The following INKA2 variants were observed in gnomAD, a reference collection of about 807,000 sequenced individuals.
INKA2 encodes the protein PAK4-inhibitor INKA2.
A neutral mutation model predicts 9.8 loss-of-function variants in INKA2; 3 were observed. The observed-to-expected ratio is 0.31, with a 90% CI of 0.14 to 0.79. The LOEUF (loss-of-function observed/expected upper bound fraction) is 0.79, where lower values mean the gene tolerates loss of function less well. Among genes scored for constraint, INKA2 ranks in the 30% least tolerant of loss-of-function variants. The pLI is 0.62. For missense variants in INKA2, 392 were observed against 384.4 expected (o/e 1.02, Z -0.17); for synonymous variants, 147 against 143.3 (o/e 1.03, Z -0.18).
chr1:111,745,908 G>A (rs1663265045), intron 1 of INKA2: 1 of 152,226 alleles, frequency 6.6e-6, no homozygotes, highest in Non-Finnish European at 1.5e-5. Context: ...GCTTGCCAGG[G>A]AGAGACATAT....
rs1313049054 is a variant in INKA2 at position 111,722,251 on chromosome 1, T to C, written c.*4717A>G. The C allele has an allele frequency of 6.6e-6, 1 of 152,210 alleles. No individual in the cohort carries two copies. The highest frequency in any genetic ancestry group is 1.9e-4 in the East Asian group (1 of 5,190). 9.4% of individuals were successfully genotyped at this position (152,210 alleles called of 1,614,324 possible). ...CCCGAGACCTCTCCTGAAGGTGGGC[T>C]TCACAGATTCCTCCACCCCATCAGG... is the stretch of plus-strand genomic sequence containing the variant. On this transcript the variant is annotated 3_prime_UTR_variant, in exon 2 of 2. Coordinates refer to ENST00000357260, the MANE Select transcript of INKA2 (RefSeq NM_019099.5).
At position 111,726,759 on chromosome 1, in the gene INKA2, C is replaced by G. The variant is rs939493797; in HGVS notation, c.*209G>C. ...CAGCTCACTCTCCAGCTACTCTTAC[C>G]TCCTCCACCAGCTAGCCCCCAAGAC... On this transcript the variant is annotated 3_prime_UTR_variant, in exon 2 of 2. Transcript: ENST00000357260. 1.1e-5 allele frequency: 7 copies of G among 610,384 alleles called. No individual in the cohort carries two copies. The highest frequency in any genetic ancestry group is 4.5e-4 in the Middle Eastern group (1 of 2,240). 37.8% of individuals were successfully genotyped at this position (610,384 alleles called of 1,614,324 possible). A position where few individuals can be genotyped will look rare whatever the true frequency, so the allele number is the denominator to read the frequency against.
intron 1 of INKA2, among the ~76,000 whole-genome samples, chr1:111,731,875 G>A (rs1028808130): frequency 6.6e-6 from 1 of 152,216 alleles, no homozygotes; most frequent in Non-Finnish European, 1.5e-5. Context: ...GTCTAATCAA[G>A]GAGAAGCACA....
At chr1:111,737,831 C>T (rs4140475) in intron 1 of INKA2, among the ~76,000 whole-genome samples, 5,427 of 152,264 alleles carry the variant, frequency 0.036, 135 homozygotes, top group East Asian at 0.073. Flanking sequence ...AGCAGGCTGA[C>T]CCTGGAGTAG....
At chr1:111,733,052 T>G (rs895228797) in intron 1 of INKA2, among the ~76,000 whole-genome samples, 1 of 152,168 alleles carries the variant, frequency 6.6e-6, no homozygotes, top group Non-Finnish European at 1.5e-5. Context: ...TAGGTGGAGA[T>G]ATCCCCAAGT....
chr1:111,755,396 T>C, intron 1 of INKA2: 1 of 460,278 alleles, frequency 2.2e-6, no homozygotes, highest in Non-Finnish European at 3.8e-6. Flanking sequence ...GCCAATGTGG[T>C]AAATAAACCC....
chr1:111,745,115 T>C (rs1201654009), intron 1 of INKA2, among the ~76,000 whole-genome samples: 1 of 151,450 alleles, frequency 6.6e-6, no homozygotes, highest in Non-Finnish European at 1.5e-5. Flanking sequence ...CACTTCTATA[T>C]GGAATAATTT....
chr1:111,728,519 A>G (rs1022289600), intron 1 of INKA2, among the ~76,000 whole-genome samples: 2 of 152,174 alleles, frequency 1.3e-5, no homozygotes, highest in Admixed American at 1.3e-4. Flanking sequence ...CAGGTTGAGC[A>G]TCCCTACTCC....
At chr1:111,739,059 C>T (rs1420731166) in intron 1 of INKA2, 127 bp downstream of exon 1, 9 of 864,058 alleles carry the variant, frequency 1.0e-5, no homozygotes, top group Non-Finnish European at 1.5e-5. Flanking sequence ...GGGCCCGCGT[C>T]CTCTCCTCTC....
At position 111,722,980 on chromosome 1, in the gene INKA2, A is replaced by AGAT. The variant is rs1242960917; in HGVS notation, c.*3985_*3987dup. On this transcript the variant is annotated 3_prime_UTR_variant, in exon 2 of 2. Transcript: ENST00000357260. ...GCAGCCCCACATTATCACCTTTCAC[A>AGAT]GATGAGAAACACAAGGTTCAGAGAG... 6 of 674,764 alleles carry AGAT rather than the reference A, an allele frequency of 8.9e-6. No homozygotes were observed. The highest frequency in any genetic ancestry group is 1.6e-5 in the Non-Finnish European group (6 of 372,384). The allele number at this position is 674,764 out of a possible 1,614,324, so 41.8% of individuals were successfully genotyped here. A position where few individuals can be genotyped will look rare whatever the true frequency, so the allele number is the denominator to read the frequency against.
Position 111,722,557 on chromosome 1 carries a change from C to G in INKA2, c.*4411G>C, listed in dbSNP as rs1023396247. 1 of 153,800 alleles carries G rather than the reference C, an allele frequency of 6.5e-6. No individual in the cohort carries two copies. Among genetic ancestry groups the G allele is most frequent in the African/African-American group, 2.4e-5 (1 of 41,382 alleles). The allele number at this position is 153,800 out of a possible 1,614,324, so 9.5% of individuals were successfully genotyped here. On this transcript the variant is annotated 3_prime_UTR_variant, in exon 2 of 2. Coordinates refer to ENST00000357260, the MANE Select transcript of INKA2 (RefSeq NM_019099.5). Reference sequence around the variant, plus strand: ...ATGTTTCCTAGAGCAGGTCCTTAGGCAGTGGGGTCCTCAAGCACCTTTTCT... The same window carrying G: ...ATGTTTCCTAGAGCAGGTCCTTAGGGAGTGGGGTCCTCAAGCACCTTTTCT...
rs1436642771 is a variant in INKA2, at chr1:111,724,441, C to G, written c.*2527G>C. The G allele has an allele frequency of 2.0e-5, 3 of 152,262 alleles. No homozygotes were observed. Among genetic ancestry groups the G allele is most frequent in the Non-Finnish European group, 2.9e-5 (2 of 68,054 alleles). 9.4% of individuals were successfully genotyped at this position (152,262 alleles called of 1,614,324 possible). On this transcript the variant is annotated 3_prime_UTR_variant, in exon 2 of 2. Coordinates refer to ENST00000357260, the MANE Select transcript of INKA2 (RefSeq NM_019099.5). ...TGGTTTCCCACAGACTCATTCCAGA[C>G]TTGGAGCTGGTGTCATCTTGAATAA...
At chr1:111,752,653 G>A (rs1327512127) in intron 1 of INKA2, among the ~76,000 whole-genome samples, 1 of 151,956 alleles carries the variant, frequency 6.6e-6, no homozygotes, top group African/African-American at 2.4e-5. Context: ...CCCAGGGTGG[G>A]CCACCTTACA....
At chr1:111,739,132 G>A (rs977413628) in intron 1 of INKA2, 54 bp downstream of exon 1, 2 of 1,561,174 alleles carry the variant, frequency 1.3e-6, no homozygotes, top group Non-Finnish European at 1.8e-6. Flanking sequence ...CGGAGACCAG[G>A]TGCCCGTCGG....
Position 111,735,512 on chromosome 1 carries a change from T to A in INKA2, c.57+3674A>T, listed in dbSNP as rs114288989. On this transcript the variant is annotated intron_variant, in intron 1 of 1. Transcript: ENST00000357260. ...GAGGTTAAGTAATATGTTAAGGTCATACAGAGCCAGGATTTGAACTGAAGT... is the reference window on the plus strand; with the variant it reads ...GAGGTTAAGTAATATGTTAAGGTCAAACAGAGCCAGGATTTGAACTGAAGT... 9.6e-3 allele frequency among the ~76,000 whole-genome samples: 1,469 copies of A among 152,302 alleles called. 8 individuals carry two copies. Among genetic ancestry groups the A allele is most frequent in the Middle Eastern group, 0.031 (9 of 294 alleles).
At chr1:111,749,039 T>C (rs1432126784) in intron 1 of INKA2, among the ~76,000 whole-genome samples, 1 of 152,116 alleles carries the variant, frequency 6.6e-6, no homozygotes, top group Admixed American at 6.5e-5. Context: ...GTGGAGGGAA[T>C]AGAAAATGTG....
At chr1:111,748,750 G>T (rs1663327408) in intron 1 of INKA2, among the ~76,000 whole-genome samples, 1 of 152,168 alleles carries the variant, frequency 6.6e-6, no homozygotes, top group African/African-American at 2.4e-5. Context: ...TTCTGGGAGA[G>T]GTTTGATTTA....
intron 1 of INKA2, among the ~76,000 whole-genome samples, chr1:111,747,957 C>T (rs1013922763): frequency 6.6e-6 from 1 of 152,138 alleles, no homozygotes; most frequent in Non-Finnish European, 1.5e-5. Flanking sequence ...TCAGTGTTAT[C>T]CTTCTACTAT....
In INKA2 at chr1:111,727,444, C is replaced by A; in HGVS notation, c.418G>T (p.Asp140Tyr). The change falls in exon 2 of 2, where the codon GAC becomes TAC. Residue 140 changes from aspartate to tyrosine, a missense_variant. Coordinates refer to ENST00000357260, the MANE Select transcript of INKA2 (RefSeq NM_019099.5). The part of the protein sequence containing the change: ...QQGPERVEPD[D>Y]WTSTLMSRGR... ...CGGGACATCAACGTGGAGGTCCAGT[C>A]ATCCGGTTCCACTCGCTCTGGCCCC... 6.2e-7 allele frequency: 1 copy of A among 1,614,232 alleles called. No individual in the cohort carries two copies. The highest frequency in any genetic ancestry group is 1.1e-5 in the South Asian group (1 of 91,080).
Sources: allele counts gnomAD v4.1 joint callset (sites outside exome capture counted in the v4.1 genomes callset), GRCh38; gene constraint gnomAD v4.1.1; transcripts MANE v1.5; gene names NCBI Gene and HGNC (gene_info 2026-07-23, HGNC 2026-07-21).